The following RERE variants were observed in gnomAD, a reference collection of about 807,000 sequenced individuals.
The protein encoded by RERE is arginine-glutamic acid dipeptide repeats protein.
In RERE, 40 loss-of-function variants were observed where a neutral mutation model predicts 146.1. The ratio of observed to expected loss-of-function variants is 0.27; its 90% CI spans 0.21 to 0.36. The LOEUF is 0.36. Among genes scored for constraint, RERE ranks in the 10% least tolerant of loss-of-function variants. RERE has a pLI of 1.00. For synonymous variants in RERE, 1,003 were observed against 866.0 expected, an observed-to-expected ratio of 1.16 and a Z score of -2.78; for missense variants, 1,933 against 2,138.7, an observed-to-expected ratio of 0.90 and a Z score of 1.90.
At chr1:8,453,845 C>T in intron 11 of RERE, among the ~76,000 whole-genome samples, 1 of 152,096 alleles carries the variant, frequency 6.6e-6, no homozygotes, top group East Asian at 1.9e-4. Context: ...TTCTAAAATT[C>T]TCTTTTAAAA....
chr1:8,734,934 C>G (rs1490493322), intron 1 of RERE, among the ~76,000 whole-genome samples: 2 of 152,148 alleles, frequency 1.3e-5, no homozygotes, highest in Non-Finnish European at 1.5e-5. Flanking sequence ...CTTACCGCAT[C>G]CCTCATAGAC....
chr1:8,681,204 C>A (rs1638957929), intron 1 of RERE, among the ~76,000 whole-genome samples: 1 of 152,134 alleles, frequency 6.6e-6, no homozygotes, highest in Non-Finnish European at 1.5e-5. Context: ...TATTCTCCTA[C>A]CACTTTCTCA....
chr1:8,787,970 C>T (rs2124569434), intron 1 of RERE, among the ~76,000 whole-genome samples: 1 of 151,990 alleles, frequency 6.6e-6, no homozygotes, highest in South Asian at 2.1e-4. Context: ...TAGTGGCGCA[C>T]ACCTGTAGTC....
chr1:8,748,937 G>T (rs1214911894), intron 1 of RERE, among the ~76,000 whole-genome samples: 1 of 152,030 alleles, frequency 6.6e-6, no homozygotes, highest in Non-Finnish European at 1.5e-5. Flanking sequence ...TCTCTATTCT[G>T]GTATTTCATA....
intron 2 of RERE, among the ~76,000 whole-genome samples, chr1:8,632,218 G>T (rs911448747): frequency 6.6e-6 from 1 of 152,186 alleles, no homozygotes; most frequent in Non-Finnish European, 1.5e-5. Flanking sequence ...AACATCATCA[G>T]TGACAGGTAG....
At chr1:8,601,772 C>T (rs867020731) in intron 4 of RERE, among the ~76,000 whole-genome samples, 1 of 138,890 alleles carries the variant, frequency 7.2e-6, no homozygotes, top group African/African-American at 2.6e-5. Flanking sequence ...CACACACACA[C>T]ACACAAACAC....
chr1:8,358,274 T>C lies in RERE; in HGVS notation c.4261A>G (p.Asn1421Asp), dbSNP rs375377901. ...TGCTGGTGATGGTGCGGAGTCACGT[T>C]GAACATCTGCAGTCGGGCCAGGGGA... is the stretch of plus-strand genomic sequence containing the variant. ...SDPLARLQMF[N>D]VTPHHHQHSH... The change falls in exon 20 of 23, where the codon AAC (asparagine) becomes GAC (aspartate). Residue 1421 changes from asparagine to aspartate, a missense_variant. Coordinates refer to ENST00000400908, the MANE Select transcript of RERE (RefSeq NM_001042681.2). 2 of 1,613,414 alleles carry C rather than the reference T, an allele frequency of 1.2e-6. No individual in the cohort carries two copies. Among genetic ancestry groups the C allele is most frequent in the Non-Finnish European group, 1.7e-6 (2 of 1,179,588 alleles).
intron 10 of RERE, among the ~76,000 whole-genome samples, chr1:8,485,795 ACT>A (rs1491284521): frequency 9.3e-6 from 1 of 107,236 alleles, no homozygotes; most frequent in Non-Finnish European, 1.8e-5. Context: ...CTCTACAATC[ACT>A]TTTTTTTTTT....
intron 1 of RERE, among the ~76,000 whole-genome samples, chr1:8,730,405 C>T (rs968177334): frequency 2.6e-5 from 4 of 152,230 alleles, no homozygotes; most frequent in South Asian, 2.1e-4. Context: ...TGCAGTGGCG[C>T]GATCTCGGCT....
chr1:8,505,706 T>C lies in RERE; in HGVS notation c.879+2921A>G, dbSNP rs563686418. On this transcript the variant is annotated intron_variant, in intron 8 of 22. Coordinates refer to ENST00000400908, the MANE Select transcript of RERE (RefSeq NM_001042681.2). ...TCACCATGCCTACCTAATTTTTGTA[T>C]TTTTTGTAGAGATGGGGTTTTGCCA... Among the ~76,000 whole-genome samples the C allele has an allele frequency of 2.6e-5, 4 of 152,296 alleles. No individual in the cohort carries two copies. In the South Asian group the frequency reaches 8.3e-4, roughly 32 times the overall value.
At chr1:8,638,493 TATGA>T (rs1187320480) in intron 2 of RERE, among the ~76,000 whole-genome samples, 1 of 152,148 alleles carries the variant, frequency 6.6e-6, no homozygotes, top group Non-Finnish European at 1.5e-5. Flanking sequence ...TACCCCAGGT[TATGA>T]ATCTCAGCAT....
rs1570039451 is a variant in RERE, at chr1:8,361,380, G to A, written c.2127C>T (p.Arg709=). ...SDPKDIDQDN[R]STSPSIPSPQ... is the part of the protein sequence containing the mutation. ...GGCTGGGGATGCTCGGGGACGTGCT[G>A]CGATTGTCCTGGTCGATGTCTTTGG... Residue 709 remains arginine (R), a synonymous_variant, in exon 18 of 23, where the codon CGC becomes CGT. Coordinates refer to ENST00000400908, the MANE Select transcript of RERE (RefSeq NM_001042681.2). The A allele has an allele frequency of 6.2e-7, 1 of 1,613,822 alleles. No individual in the cohort carries two copies. Among genetic ancestry groups the A allele is most frequent in the Non-Finnish European group, 8.5e-7 (1 of 1,179,834 alleles).
intron 1 of RERE, among the ~76,000 whole-genome samples, chr1:8,757,226 T>C (rs1439281788): frequency 6.6e-6 from 1 of 151,902 alleles, no homozygotes; most frequent in African/African-American, 2.4e-5. Flanking sequence ...TGTCACAAAG[T>C]AAACATTTTC....
chr1:8,663,675 G>A (rs1359976574), intron 1 of RERE, among the ~76,000 whole-genome samples: 2 of 151,998 alleles, frequency 1.3e-5, no homozygotes, highest in African/African-American at 2.4e-5. Flanking sequence ...TATAATTCAC[G>A]TTCCATATGA....
intron 4 of RERE, among the ~76,000 whole-genome samples, chr1:8,577,038 C>A (rs1162398930): frequency 6.6e-6 from 1 of 151,692 alleles, no homozygotes; most frequent in Non-Finnish European, 1.5e-5. Context: ...GGCGTGGTGG[C>A]GGCGCCTGTA....
rs117153298 is a variant in RERE at position 8,725,885 on chromosome 1, C to T, written c.-144-69444G>A. 5.4e-4 allele frequency among the ~76,000 whole-genome samples: 82 copies of T among 152,124 alleles called. 1 individual carries two copies. In the East Asian group the frequency reaches 0.016, roughly 29 times the overall value. On this transcript the variant is annotated intron_variant, in intron 1 of 22. Coordinates refer to ENST00000400908, the MANE Select transcript of RERE (RefSeq NM_001042681.2). ...AACGTTCTGAAAGGTTCAACATTAA[C>T]ACAGACATTCACAAATGAGGCATCT... is the stretch of plus-strand genomic sequence containing the variant.
chr1:8,387,192 G>A (rs1642706764), intron 12 of RERE, among the ~76,000 whole-genome samples: 1 of 152,200 alleles, frequency 6.6e-6, no homozygotes, highest in Non-Finnish European at 1.5e-5. Flanking sequence ...ATTTCACTTT[G>A]ACATAGCTGG....
intron 7 of RERE, among the ~76,000 whole-genome samples, chr1:8,509,306 T>A (rs1645298143): frequency 6.6e-6 from 1 of 152,062 alleles, no homozygotes; most frequent in African/African-American, 2.4e-5. Flanking sequence ...ACAATTCCAG[T>A]CAGACATTTC....
intron 1 of RERE, among the ~76,000 whole-genome samples, chr1:8,713,934 G>A (rs891361239): frequency 6.6e-6 from 1 of 151,946 alleles, no homozygotes; most frequent in South Asian, 2.1e-4. Flanking sequence ...GGAATTAAAC[G>A]TTATATTATG....
Sources: gnomAD v4.1 joint callset for allele counts (sites outside exome capture counted in the v4.1 genomes callset) on GRCh38, gnomAD v4.1.1 for gene constraint, MANE v1.5 for transcripts, NCBI Gene and HGNC (gene_info 2026-07-23, HGNC 2026-07-21) for gene names.